Variants in FRAS1 observed in about 807,000 individuals in gnomAD.
FRAS1 encodes Fraser extracellular matrix complex subunit 1.
Under a neutral mutation model 435.2 loss-of-function variants are expected in FRAS1, and 290 were observed. That is an observed-to-expected ratio of 0.67 (90% CI 0.61 to 0.73). The LOEUF (loss-of-function observed/expected upper bound fraction) is 0.73. Among genes scored for constraint, FRAS1 ranks in the 30% least tolerant of loss-of-function variants. FRAS1 has a pLI of 0.00. For missense variants in FRAS1, 4,860 were observed against 5,001.5 expected (o/e 0.97, Z 0.85); for synonymous variants, 1,800 against 1,851.0 (o/e 0.97, Z 0.71).
intron 9 of FRAS1, among the ~76,000 whole-genome samples, chr4:78,278,270 G>A (rs74800371): frequency 0.027 from 4,039 of 152,278 alleles, 185 homozygotes; most frequent in African/African-American, 0.09. Context: ...TTTGATTTGA[G>A]CACTGTTAAT....
chr4:78,258,468 G>A (rs1236809685), intron 6 of FRAS1, among the ~76,000 whole-genome samples: 3 of 151,528 alleles, frequency 2.0e-5, no homozygotes, highest in Non-Finnish European at 4.4e-5. Flanking sequence ...AAATTTGGAA[G>A]GACTATAATC....
At chr4:78,288,146 G>A (rs1209462746) in intron 14 of FRAS1, among the ~76,000 whole-genome samples, 1 of 152,180 alleles carries the variant, frequency 6.6e-6, no homozygotes, top group Non-Finnish European at 1.5e-5. Flanking sequence ...ATCATGTTCA[G>A]TTTACCTGTT....
At chr4:78,534,235 A>G (rs1214558814) in intron 70 of FRAS1, among the ~76,000 whole-genome samples, 1 of 152,202 alleles carries the variant, frequency 6.6e-6, no homozygotes, top group Non-Finnish European at 1.5e-5. Context: ...AGAGTAATTA[A>G]TTATTTTTTA....
intron 2 of FRAS1, among the ~76,000 whole-genome samples, chr4:78,097,990 A>C (rs1163992849): frequency 6.7e-6 from 1 of 148,934 alleles, no homozygotes; most frequent in Non-Finnish European, 1.5e-5. Flanking sequence ...CTTTGCTGAT[A>C]CCTTGGTCAT....
In FRAS1 at chr4:78,529,389, T is replaced by C. The variant is rs115318404; in HGVS notation, c.10925+2732T>C. 9.7e-3 allele frequency among the ~76,000 whole-genome samples: 1,481 copies of C among 152,224 alleles called. 31 individuals carry two copies. The highest frequency in any genetic ancestry group is 0.034 in the African/African-American group (1,415 of 41,528). The stretch of plus-strand genomic sequence containing the variant: ...CTATATATATATCATATAGCAGATC[T>C]ACCACCCACCTTAAGAAACTCAAGA... On this transcript the variant is annotated intron_variant, in intron 70 of 73. Coordinates refer to ENST00000512123, the MANE Select transcript of FRAS1 (RefSeq NM_025074.7).
rs770605305 is a variant in FRAS1, at chr4:78,464,185, T to C, written c.6888+40T>C. On this transcript the variant is annotated intron_variant, in intron 48 of 73. Transcript: ENST00000512123. ...GAACTCCATCCTTGAAAAGTATTGA[T>C]TCCTCGCCATCTTCTTTGAGTGGAG... The C allele has an allele frequency of 8.9e-6, 14 of 1,581,274 alleles. No individual in the cohort carries two copies. The East Asian group carries it at 2.7e-4, about 30-fold the overall frequency.
At chr4:78,371,655 G>A (rs1230463818) in intron 23 of FRAS1, among the ~76,000 whole-genome samples, 1 of 152,144 alleles carries the variant, frequency 6.6e-6, no homozygotes, top group African/African-American at 2.4e-5. Flanking sequence ...AAGTAGCAAA[G>A]CCATGACTTG....
intron 20 of FRAS1, among the ~76,000 whole-genome samples, chr4:78,345,134 G>T (rs928601307): frequency 6.6e-6 from 1 of 152,116 alleles, no homozygotes; most frequent in Non-Finnish European, 1.5e-5. Flanking sequence ...GACTTCCAAG[G>T]CTACAGCTAT....
intron 2 of FRAS1, among the ~76,000 whole-genome samples, chr4:78,195,851 A>G (rs1048042047): frequency 6.6e-6 from 1 of 151,392 alleles, no homozygotes; most frequent in African/African-American, 2.4e-5. Flanking sequence ...TAAATCACCC[A>G]TCTTCTGCAT....
chr4:78,519,013 T>G (rs907429612), intron 66 of FRAS1, among the ~76,000 whole-genome samples: 1 of 152,156 alleles, frequency 6.6e-6, no homozygotes, highest in Non-Finnish European at 1.5e-5. Context: ...AATTGTGATA[T>G]TCTCAAATTT....
In FRAS1 at chr4:78,472,181, C is replaced by T. The variant is rs1560746897; in HGVS notation, c.7373C>T (p.Ala2458Val). 6.2e-7 allele frequency: 1 copy of T among 1,613,690 alleles called. No individual in the cohort carries two copies. Among genetic ancestry groups the T allele is most frequent in the Admixed American group, 1.7e-5 (1 of 60,008 alleles). ...LQWLEYMDGK[A>V]TNLITKKELL... ...AAATTAAATGGGTTTCTATTCTAGG[C>T]AACCAACCTGATCACCAAGAAGGAA... is the stretch of plus-strand genomic sequence containing the variant. Residue 2458 changes from alanine (A) to valine (V), a missense_variant and splice_region_variant, in exon 52 of 74, where the codon GCA becomes GTA. Physicochemically the swap from Ala to Val is moderately conservative, Grantham distance 64. Transcript: ENST00000512123.
At chr4:78,178,911 A>G (rs1298654411) in intron 2 of FRAS1, among the ~76,000 whole-genome samples, 2 of 152,162 alleles carry the variant, frequency 1.3e-5, no homozygotes, top group Non-Finnish European at 2.9e-5. Flanking sequence ...TAGGTATTCA[A>G]TAAAGGGTAG....
At chr4:78,274,207 T>C (rs1404953508) in intron 9 of FRAS1, among the ~76,000 whole-genome samples, 1 of 152,236 alleles carries the variant, frequency 6.6e-6, no homozygotes, top group Non-Finnish European at 1.5e-5. Flanking sequence ...TTCTCTCTTT[T>C]CTTCTGTATT....
At chr4:78,131,202 A>G (rs1719663957) in intron 2 of FRAS1, among the ~76,000 whole-genome samples, 1 of 152,180 alleles carries the variant, frequency 6.6e-6, no homozygotes, top group Admixed American at 6.6e-5. Flanking sequence ...ATACACACAT[A>G]TGTATATATG....
intron 41 of FRAS1, chr4:78,444,233 A>G (rs1274535362): frequency 2.2e-6 from 1 of 449,438 alleles, no homozygotes; most frequent in South Asian, 1.6e-5. Context: ...AAAAAAGTAA[A>G]AATTGGAAGG....
At chr4:78,525,728 G>GA (rs1721514236) in intron 69 of FRAS1, among the ~76,000 whole-genome samples, 1 of 152,184 alleles carries the variant, frequency 6.6e-6, no homozygotes, top group African/African-American at 2.4e-5. Context: ...GAAGGTTCCT[G>GA]AAGCTTCTGA....
chr4:78,493,811 T>TA (rs904221288), intron 59 of FRAS1, among the ~76,000 whole-genome samples: 16 of 151,540 alleles, frequency 1.1e-4, no homozygotes, highest in African/African-American at 3.9e-4. Flanking sequence ...ATAATAATAA[T>TA]AAAAAAAAGA....
intron 9 of FRAS1, among the ~76,000 whole-genome samples, chr4:78,277,003 C>A (rs1206508870): frequency 6.6e-6 from 1 of 152,186 alleles, no homozygotes; most frequent in East Asian, 1.9e-4. Flanking sequence ...CCCACTCAAG[C>A]CTCAGCAATG....
chr4:78,492,433 G>T (rs74215245), intron 59 of FRAS1, among the ~76,000 whole-genome samples: 23,387 of 152,034 alleles, frequency 0.15, 1,882 homozygotes, highest in Middle Eastern at 0.22. Context: ...CATGGTAGTG[G>T]TACCAAAAGA....
Sources: allele counts gnomAD v4.1 joint callset (sites outside exome capture counted in the v4.1 genomes callset), GRCh38; gene constraint gnomAD v4.1.1; transcripts MANE v1.5; gene names NCBI Gene and HGNC (gene_info 2026-07-23, HGNC 2026-07-21).